Variants in ATF6B observed in about 807,000 individuals in gnomAD.
ATF6B encodes cyclic AMP-dependent transcription factor ATF-6 beta.
A neutral mutation model predicts 83.5 loss-of-function variants in ATF6B; 50 were observed. That is an observed-to-expected ratio of 0.60 (90% CI 0.48 to 0.76). The LOEUF is 0.76. ATF6B is among the 30% of genes least tolerant of loss of function. The probability of loss-of-function intolerance (pLI) is 0.00; values close to 1 mark genes in which losing one functional copy is unlikely to be tolerated. For missense variants in ATF6B, 790 were observed against 893.8 expected, an observed-to-expected ratio of 0.88 and a Z score of 1.48; for synonymous variants, 344 against 362.8, an observed-to-expected ratio of 0.95 and a Z score of 0.59.
chr6:32,121,457 C>T, intron 5 of ATF6B, 109 bp from the exon 6 acceptor site: 1 of 1,075,160 alleles, frequency 9.3e-7, no homozygotes, highest in Non-Finnish European at 1.4e-6. Context: ...AATCTCAGCA[C>T]TTTGGGAGGC....
In ATF6B at chr6:32,128,211, T is replaced by TCCACC; in HGVS notation, c.-5_-4insGGTGG. The TCCACC allele has an allele frequency of 6.5e-7, 1 of 1,536,888 alleles. No homozygotes were observed. The highest frequency in any genetic ancestry group is 1.1e-5 in the South Asian group (1 of 87,862). ...TGAGCAGCATCAGCTCCGCCATCTT[T>TCCACC]CCCCCCCACCCCCCAACCAGGAGAC... On this transcript the variant is annotated 5_prime_UTR_variant, in exon 1 of 18. Coordinates refer to ENST00000375203, the MANE Select transcript of ATF6B (RefSeq NM_004381.5).
chr6:32,118,891 A>G lies in ATF6B; in HGVS notation c.1153-25T>C, dbSNP rs754922457. On this transcript the variant is annotated intron_variant, in intron 10 of 17. Transcript: ENST00000375203. The surrounding 1 kb of genome is among the most constrained non-coding windows in gnomAD (Gnocchi z 5.2). ...TCTAAGGTACAAAGAAGGAGACAAG[A>G]AAAAGGGGAATCATTCCAAGGAGGC... is the stretch of plus-strand genomic sequence containing the variant. The G allele has an allele frequency of 7.4e-6, 12 of 1,614,066 alleles. No individual in the cohort carries two copies. The South Asian group carries it at 1.3e-4, about 18-fold the overall frequency.
chr6:32,127,320 G>A, intron 3 of ATF6B, 122 bp downstream of exon 3: 2 of 1,356,304 alleles, frequency 1.5e-6, no homozygotes, highest in African/African-American at 2.9e-5. Flanking sequence ...ATAGGGGATT[G>A]AAGGAGAGAG....
At position 32,127,743 on chromosome 6, in the gene ATF6B, G is replaced by C. The variant is rs1353249425; in HGVS notation, c.99C>G (p.Thr33=). Residue 33 remains threonine, a synonymous_variant, in exon 2 of 18, where the codon ACC becomes ACG. Transcript: ENST00000375203. ...SPEDWGLQNS[T]LYSGLDEVAE... is the part of the protein sequence containing the mutation. Reference sequence around the variant, plus strand: ...CCACTTCATCTAGGCCAGAATACAAGGTGCTGTCTGCAAGAAATGCTGAGC... The same window carrying C: ...CCACTTCATCTAGGCCAGAATACAACGTGCTGTCTGCAAGAAATGCTGAGC... 10 of 1,614,046 alleles carry C rather than the reference G, an allele frequency of 6.2e-6. No individual in the cohort carries two copies. Among genetic ancestry groups the C allele is most frequent in the Non-Finnish European group, 6.8e-6 (8 of 1,180,034 alleles).
rs1468580822 is a variant in ATF6B, at chr6:32,127,700, G to C, written c.142C>G (p.Leu48Val). The change falls in exon 2 of 18, where the codon CTC (leucine) becomes GTC (valine). Residue 48 changes from leucine (L) to valine (V), a missense_variant. By Grantham distance (32) the Leu-to-Val change is conservative. Transcript: ENST00000375203. ...LDEVAEEQTQ[L>V]FRCPEQDVPF... ...ACATCCTGCTCCGGGCAACGGAAGA[G>C]CTGCGTCTGCTCCTCGGCCACTTCA... The C allele has an allele frequency of 6.2e-7, 1 of 1,614,240 alleles. No individual in the cohort carries two copies. Among genetic ancestry groups the C allele is most frequent in the African/African-American group, 1.3e-5 (1 of 75,054 alleles).
In ATF6B at chr6:32,119,219, A is replaced by G; in HGVS notation, c.967-78T>C. On this transcript the variant is annotated intron_variant, in intron 9 of 17. Coordinates refer to ENST00000375203, the MANE Select transcript of ATF6B (RefSeq NM_004381.5). The surrounding 1 kb of genome is among the most constrained non-coding windows in gnomAD (Gnocchi z 4.9). ...CTATGCTCTCAAACCCCAAGGAATG[A>G]TTTACCCAAAGCTCACATGGCCATT... The G allele has an allele frequency of 6.7e-7, 1 of 1,493,062 alleles. No individual in the cohort carries two copies. The highest frequency in any genetic ancestry group is 8.9e-7 in the Non-Finnish European group (1 of 1,120,910). 92.5% of individuals were successfully genotyped at this position (1,493,062 alleles called of 1,614,324 possible).
chr6:32,120,990 T>G lies in ATF6B; in HGVS notation c.699A>C (p.Ser233=). 2 of 1,521,862 alleles carry G rather than the reference T, an allele frequency of 1.3e-6. No individual in the cohort carries two copies. The highest frequency in any genetic ancestry group is 1.8e-6 in the Non-Finnish European group (2 of 1,136,598). 94.3% of individuals were successfully genotyped at this position (1,521,862 alleles called of 1,614,324 possible). A position where few individuals can be genotyped will look rare whatever the true frequency, so the allele number is the denominator to read the frequency against. The change falls in exon 7 of 18, where the codon TCA becomes TCC. Residue 233 remains serine, a splice_region_variant and synonymous_variant. Coordinates refer to ENST00000375203, the MANE Select transcript of ATF6B (RefSeq NM_004381.5). ...ISMGPSLDGS[S]GKALPTRKPP... ...CCAAGTGTCAGGAGACTCCATTACC[T>G]GAGGAGCCATCAAGGGATGGGCCCA...
intron 5 of ATF6B, among the ~76,000 whole-genome samples, chr6:32,123,016 C>G (rs1437665567): frequency 6.6e-6 from 1 of 151,786 alleles, no homozygotes; most frequent in Non-Finnish European, 1.5e-5. Context: ...TGCTTGAAGC[C>G]AGGAGTTTGA....
rs1456206072 is a variant in ATF6B, at chr6:32,120,848, G to A, written c.755C>T (p.Thr252Ile). 6.3e-7 allele frequency: 1 copy of A among 1,594,076 alleles called. No homozygotes were observed. ...AGCTCTGGATGGCATTGGGACAGTG[G>A]TTAGCACTACAGGTTTGGGCTGCAG... is the stretch of plus-strand genomic sequence containing the variant. Reference protein sequence around the residue: ...PPLQPKPVVLTTVPMPSRAVP... With the variant: ...PPLQPKPVVLITVPMPSRAVP... The change falls in exon 8 of 18, where the codon ACC becomes ATC. Residue 252 changes from threonine (T) to isoleucine (I), a missense_variant. This residue lies in a region of ATF6B where 530 missense variants were observed against 632.6 expected (regional missense o/e 0.84). Transcript: ENST00000375203.
rs760075277 is a variant in ATF6B, at chr6:32,121,033, C to G, written c.656G>C (p.Gly219Ala). 1 of 1,548,972 alleles carries G rather than the reference C, an allele frequency of 6.5e-7. No individual in the cohort carries two copies. The highest frequency in any genetic ancestry group is 2.0e-5 in the Admixed American group (1 of 48,948). Residue 219 changes from glycine (G) to alanine (A), a missense_variant, in exon 7 of 18, where the codon GGA (glycine) becomes GCA (alanine). By Grantham distance (60) the Gly-to-Ala change is moderately conservative. Around this residue, in one of 3 missense-constraint regions of ATF6B, gnomAD observed 530 missense variants for 632.6 expected, o/e 0.84. Coordinates refer to ENST00000375203, the MANE Select transcript of ATF6B (RefSeq NM_004381.5). ...LLWDVPAPSLGAVQISMGPSL... is the reference protein window; with the variant it reads ...LLWDVPAPSLAAVQISMGPSL... ...TGGGCCCATGCTGATCTGGACAGCT[C>G]CAAGTGAGGGGGCTGGGACATCCCA...
In ATF6B at chr6:32,120,151, G is replaced by A. The variant is rs1358586671; in HGVS notation, c.833-194C>T. 7 of 554,618 alleles carry A rather than the reference G, an allele frequency of 1.3e-5. No homozygotes were observed. In the East Asian group the frequency reaches 2.1e-4, roughly 16 times the overall value. 34.4% of individuals were successfully genotyped at this position (554,618 alleles called of 1,614,324 possible). A position where few individuals can be genotyped will look rare whatever the true frequency, so the allele number is the denominator to read the frequency against. On this transcript the variant is annotated intron_variant, in intron 8 of 17. Coordinates refer to ENST00000375203, the MANE Select transcript of ATF6B (RefSeq NM_004381.5). Reference sequence around the variant, plus strand: ...CTTGCTCTGTCGACCAGGCTGGAGTGCAGTGGTGCGATCTCGGCTCACTGC... The same window carrying A: ...CTTGCTCTGTCGACCAGGCTGGAGTACAGTGGTGCGATCTCGGCTCACTGC...
chr6:32,127,167 G>T lies in ATF6B; in HGVS notation c.278C>A (p.Ser93Tyr). ...GCTGAGGGAGGAGGAAGAGCAGGGGGAAGATGGCTCAGACTTCACCTGAAG... is the reference window on the plus strand; with the variant it reads ...GCTGAGGGAGGAGGAAGAGCAGGGGTAAGATGGCTCAGACTTCACCTGAAG... ...PDLQVKSEPS[S>Y]PCSSSSLSSE... The change falls in exon 4 of 18, where the codon TCC (serine) becomes TAC (tyrosine). Residue 93 changes from serine (S) to tyrosine (Y), a missense_variant. Coordinates refer to ENST00000375203, the MANE Select transcript of ATF6B (RefSeq NM_004381.5). The T allele has an allele frequency of 6.2e-7, 1 of 1,612,102 alleles. No individual in the cohort carries two copies. The highest frequency in any genetic ancestry group is 8.5e-7 in the Non-Finnish European group (1 of 1,179,340).
In ATF6B at chr6:32,115,833, G is replaced by A. The variant is rs1461193866; in HGVS notation, c.2018C>T (p.Thr673Ile). The change falls in exon 18 of 18, where the codon ACC becomes ATC. Residue 673 changes from threonine (T) to isoleucine (I), a missense_variant. Physicochemically the swap from Thr to Ile is moderately conservative, Grantham distance 89. Around this residue, in one of 3 missense-constraint regions of ATF6B, gnomAD observed 530 missense variants for 632.6 expected, o/e 0.84. Coordinates refer to ENST00000375203, the MANE Select transcript of ATF6B (RefSeq NM_004381.5). Reference sequence around the variant, plus strand: ...GGGGCCACCTGTGGCATTGCCTGGGGTTGGGGATGGCTGTTTTCGGAGCGA... The same window carrying A: ...GGGGCCACCTGTGGCATTGCCTGGGATTGGGGATGGCTGTTTTCGGAGCGA... The part of the protein sequence containing the change: ...PPSLRKQPSP[T>I]PGNATGGPLP... 6.2e-7 allele frequency: 1 copy of A among 1,614,182 alleles called. No homozygotes were observed. Among genetic ancestry groups the A allele is most frequent in the Admixed American group, 1.7e-5 (1 of 60,032 alleles).
At position 32,126,186 on chromosome 6, in the gene ATF6B, C is replaced by T. The variant is rs1781972701; in HGVS notation, c.409G>A (p.Gly137Arg). The T allele has an allele frequency of 6.2e-7, 1 of 1,614,116 alleles. No individual in the cohort carries two copies. The highest frequency in any genetic ancestry group is 8.5e-7 in the Non-Finnish European group (1 of 1,180,024). ...TCAAATGAGGATGTTGGGTCATCTC[C>T]CAGGAGACACAGTGGGGGTGCCAAG... is the stretch of plus-strand genomic sequence containing the variant. The part of the protein sequence containing the change: ...ESLAPPLCLL[G>R]DDPTSSFETV... The change falls in exon 5 of 18, where the codon GGA becomes AGA. Residue 137 changes from glycine to arginine, a missense_variant. This residue lies in a region of ATF6B where 253 missense variants were observed against 243.1 expected (regional missense o/e 1.04). Coordinates refer to ENST00000375203, the MANE Select transcript of ATF6B (RefSeq NM_004381.5).
chr6:32,118,890 G>C lies in ATF6B; in HGVS notation c.1153-24C>G. 1 of 1,614,168 alleles carries C rather than the reference G, an allele frequency of 6.2e-7. No homozygotes were observed. The highest frequency in any genetic ancestry group is 1.1e-5 in the South Asian group (1 of 91,092). ...TTCTAAGGTACAAAGAAGGAGACAAGAAAAAGGGGAATCATTCCAAGGAGG... is the reference window on the plus strand; with the variant it reads ...TTCTAAGGTACAAAGAAGGAGACAACAAAAAGGGGAATCATTCCAAGGAGG... On this transcript the variant is annotated intron_variant, in intron 10 of 17. Transcript: ENST00000375203. The surrounding 1 kb of genome is among the most constrained non-coding windows in gnomAD (Gnocchi z 5.2).
chr6:32,119,776 T>A lies in ATF6B; in HGVS notation c.966+48A>T. 1.2e-6 allele frequency: 2 copies of A among 1,600,468 alleles called. No individual in the cohort carries two copies. The highest frequency in any genetic ancestry group is 1.7e-6 in the Non-Finnish European group (2 of 1,171,634). ...AGTTCTCTCTATGGCAAGACTTCCC[T>A]CTTCCCTTCCCATCACTCGCCCTAC... On this transcript the variant is annotated intron_variant, in intron 9 of 17. Coordinates refer to ENST00000375203, the MANE Select transcript of ATF6B (RefSeq NM_004381.5). This position sits in a 1 kb window ranked among gnomAD's most constrained non-coding sequence, Gnocchi z 4.9.
In ATF6B at chr6:32,127,039, C is replaced by T. The variant is rs139231015; in HGVS notation, c.342+64G>A. ...TCATTTAAATCATTTCTTTGTCACC[C>T]ACGGGTGAAGGGAATGAAGCAGAGT... On this transcript the variant is annotated intron_variant, in intron 4 of 17. Transcript: ENST00000375203. 4.4e-3 allele frequency: 5,893 copies of T among 1,347,612 alleles called. 186 individuals carry two copies. In the South Asian group the frequency reaches 0.057, roughly 13 times the overall value. The allele number at this position is 1,347,612 out of a possible 1,614,324, so 83.5% of individuals were successfully genotyped here. A position where few individuals can be genotyped will look rare whatever the true frequency, so the allele number is the denominator to read the frequency against.
At chr6:32,128,016 G>C in intron 1 of ATF6B, 101 bp downstream of exon 1, 1 of 1,411,578 alleles carries the variant, frequency 7.1e-7, no homozygotes, top group Non-Finnish European at 9.9e-7. Flanking sequence ...TTCAGATGGC[G>C]GATTCCGTAT....
intron 6 of ATF6B, 46 bp downstream of exon 6, chr6:32,121,217 G>A: frequency 6.2e-7 from 1 of 1,610,720 alleles, no homozygotes. Flanking sequence ...TAGGTCAGGA[G>A]GAACTCACTG....
Sources: gnomAD v4.1 joint callset for allele counts (sites outside exome capture counted in the v4.1 genomes callset) on GRCh38, gnomAD v4.1.1 for gene constraint, gnomAD v4.1.1 regional missense constraint, Gnocchi (gnomAD v3.1) non-coding constraint, MANE v1.5 for transcripts, NCBI Gene and HGNC (gene_info 2026-07-23, HGNC 2026-07-21) for gene names.